The following OS9 variants were observed in gnomAD, a reference collection of about 807,000 sequenced individuals.
OS9 encodes OS9 endoplasmic reticulum lectin, also known as protein OS-9.
A neutral mutation model predicts 84.7 loss-of-function variants in OS9; 58 were observed. That is an observed-to-expected ratio of 0.68 (90% CI 0.55 to 0.85). The LOEUF (loss-of-function observed/expected upper bound fraction) is 0.85, where lower values mean the gene tolerates loss of function less well. OS9 is among the 40% of genes least tolerant of loss of function. The pLI is 0.00. For synonymous variants in OS9, 278 were observed against 320.8 expected (o/e 0.87, Z 1.43); for missense variants, 760 against 850.9 (o/e 0.89, Z 1.33).
At chr12:57,699,022 G>T (rs1953943688) in intron 5 of OS9, among the ~76,000 whole-genome samples, 1 of 152,190 alleles carries the variant, frequency 6.6e-6, no homozygotes, top group African/African-American at 2.4e-5. Context: ...GTGGCCTGGG[G>T]ATGAAGAAAT....
chr12:57,716,686 T>C lies in OS9; in HGVS notation c.994-7T>C, dbSNP rs1306934134. On this transcript the variant is annotated splice_polypyrimidine_tract_variant and splice_region_variant and intron_variant, in intron 8 of 14. Transcript: ENST00000315970. ...CATACTTGACTCTCTCCTTTTCTCC[T>C]CGTCAGGAGCAGGACCCAAGCCCTG... 6.2e-7 allele frequency: 1 copy of C among 1,613,758 alleles called. No homozygotes were observed. Among genetic ancestry groups the C allele is most frequent in the Non-Finnish European group, 8.5e-7 (1 of 1,179,778 alleles).
chr12:57,716,279 T>TA (rs1555195440), intron 7 of OS9, 86 bp downstream of exon 7: 9 of 511,652 alleles, frequency 1.8e-5, no homozygotes, highest in South Asian at 9.9e-5. Flanking sequence ...ACTGGTGGGG[T>TA]GGGGGGGGGT....
rs1413858460 is a variant in OS9 at position 57,719,057 on chromosome 12, C to G, written c.1475C>G (p.Ala492Gly). The G allele has an allele frequency of 6.2e-7, 1 of 1,613,996 alleles. No individual in the cohort carries two copies. Residue 492 changes from alanine (A) to glycine (G), a missense_variant, in exon 12 of 15, where the codon GCT becomes GGT. Transcript: ENST00000315970. The part of the protein sequence containing the change: ...KESERDRAML[A>G]LTSTLNKLIK... ...TCAGAGCGGGATCGGGCAATGCTGG[C>G]TCTCACATCCACTCTCAACAAACTC...
At chr12:57,710,987 C>T (rs897626000) in intron 5 of OS9, among the ~76,000 whole-genome samples, 9 of 136,888 alleles carry the variant, frequency 6.6e-5, no homozygotes, top group African/African-American at 1.1e-4. Context: ...TGCAGTGAGC[C>T]GAGATCACAC....
At chr12:57,712,574 A>G (rs1809599815) in intron 5 of OS9, among the ~76,000 whole-genome samples, 1 of 152,164 alleles carries the variant, frequency 6.6e-6, no homozygotes, top group African/African-American at 2.4e-5. Flanking sequence ...GCCCTCTCAC[A>G]GGTGGTTTCT....
intron 14 of OS9, 93 bp from the exon 15 acceptor site, chr12:57,720,691 C>G: frequency 1.4e-6 from 2 of 1,477,846 alleles, no homozygotes; most frequent in African/African-American, 1.4e-5. Context: ...ACATGGGTGT[C>G]CTCATTCCCT....
At chr12:57,718,820 G>T (rs536218763) in intron 11 of OS9, among the ~76,000 whole-genome samples, 173 bp from the exon 12 acceptor site, 8 of 151,234 alleles carry the variant, frequency 5.3e-5, no homozygotes. Flanking sequence ...CAAGAGAATC[G>T]CTCGAACCCG....
chr12:57,713,454 C>G (rs1046580520), intron 5 of OS9, among the ~76,000 whole-genome samples: 3 of 152,116 alleles, frequency 2.0e-5, no homozygotes, highest in African/African-American at 4.8e-5. Context: ...GTGAAACCTC[C>G]ACTCTCTGAG....
At chr12:57,696,082 G>C in intron 4 of OS9, 44 bp downstream of exon 4, 1 of 1,448,570 alleles carries the variant, frequency 6.9e-7, no homozygotes, top group Non-Finnish European at 9.7e-7. Context: ...TCTGGCCACC[G>C]GCTGAGAGCC....
chr12:57,720,967 T>A lies in OS9; in HGVS notation c.*58T>A, dbSNP rs1206153541. On this transcript the variant is annotated 3_prime_UTR_variant, in exon 15 of 15. Coordinates refer to ENST00000315970, the MANE Select transcript of OS9 (RefSeq NM_006812.4). ...CAGACTCTTCCTGGACTGGCTTGCCTCCTCCCCACCTCCCCACCCTGGAAC... is the reference window on the plus strand; with the variant it reads ...CAGACTCTTCCTGGACTGGCTTGCCACCTCCCCACCTCCCCACCCTGGAAC... 2 of 1,601,018 alleles carry A rather than the reference T, an allele frequency of 1.2e-6. No individual in the cohort carries two copies. The highest frequency in any genetic ancestry group is 1.7e-6 in the Non-Finnish European group (2 of 1,169,808).
In OS9 at chr12:57,720,272, T is replaced by G. The variant is rs750637663; in HGVS notation, c.1765+9T>G. 11 of 1,613,506 alleles carry G rather than the reference T, an allele frequency of 6.8e-6. No homozygotes were observed. In the East Asian group the frequency reaches 2.0e-4, roughly 29 times the overall value. On this transcript the variant is annotated intron_variant, in intron 13 of 14. Coordinates refer to ENST00000315970, the MANE Select transcript of OS9 (RefSeq NM_006812.4). ...GGGACTCACAGCTGCAGGTGGGCCCTGGAGGGCGGCTGGACCCAGTGCTGT... is the reference window on the plus strand; with the variant it reads ...GGGACTCACAGCTGCAGGTGGGCCCGGGAGGGCGGCTGGACCCAGTGCTGT...
At chr12:57,715,523 C>A (rs1341026748) in intron 5 of OS9, among the ~76,000 whole-genome samples, 1 of 152,182 alleles carries the variant, frequency 6.6e-6, no homozygotes, top group East Asian at 1.9e-4. Flanking sequence ...AAAGGCTGGT[C>A]AACCTGAACA....
chr12:57,708,453 G>C (rs561305623), intron 5 of OS9, among the ~76,000 whole-genome samples: 112 of 152,028 alleles, frequency 7.4e-4, no homozygotes, highest in African/African-American at 2.6e-3. Context: ...CCAACGTAGT[G>C]AGATCCCATC....
chr12:57,720,048 C>T (rs763643584), intron 12 of OS9, 51 bp from the exon 13 acceptor site: 1 of 1,574,484 alleles, frequency 6.4e-7, no homozygotes, highest in Non-Finnish European at 8.7e-7. Context: ...CACCCCTAAC[C>T]CTGGAGTCAC....
intron 5 of OS9, among the ~76,000 whole-genome samples, chr12:57,710,575 C>G (rs1417869118): frequency 6.6e-6 from 1 of 152,122 alleles, no homozygotes; most frequent in Non-Finnish European, 1.5e-5. Flanking sequence ...GAATGCCTAG[C>G]TCATTCATTT....
chr12:57,705,682 C>T (rs970452119), intron 5 of OS9, among the ~76,000 whole-genome samples: 6 of 152,050 alleles, frequency 3.9e-5, no homozygotes, highest in Admixed American at 6.6e-5. Flanking sequence ...CGTACCACCA[C>T]GCCCAGCTAA....
intron 5 of OS9, among the ~76,000 whole-genome samples, chr12:57,708,946 C>T (rs768532986): frequency 3.9e-5 from 6 of 152,140 alleles, no homozygotes; most frequent in East Asian, 1.9e-4. Flanking sequence ...TCCCTATAGC[C>T]GTGCCAACCT....
Position 57,720,130 on chromosome 12 carries a change from G to T in OS9, c.1632G>T (p.Arg544=). The T allele has an allele frequency of 6.2e-7, 1 of 1,614,098 alleles. No homozygotes were observed. The highest frequency in any genetic ancestry group is 8.5e-7 in the Non-Finnish European group (1 of 1,180,016). Residue 544 remains arginine (R), a synonymous_variant, in exon 13 of 15, where the codon CGG becomes CGT. Transcript: ENST00000315970. ...ATCCTGAGCACAGAGTCCGGGTCCGGGTCACCAAGCTCCGTCTCGGAGGCC... is the reference window on the plus strand; with the variant it reads ...ATCCTGAGCACAGAGTCCGGGTCCGTGTCACCAAGCTCCGTCTCGGAGGCC... ...EEDPEHRVRV[R]VTKLRLGGPN...
intron 5 of OS9, among the ~76,000 whole-genome samples, chr12:57,699,214 T>C (rs1409126013): frequency 6.6e-6 from 1 of 152,098 alleles, no homozygotes; most frequent in Admixed American, 6.5e-5. Flanking sequence ...TGAATATGAT[T>C]TTAGTGGCTG....
Sources: gnomAD v4.1 joint callset for allele counts (sites outside exome capture counted in the v4.1 genomes callset) on GRCh38, gnomAD v4.1.1 for gene constraint, MANE v1.5 for transcripts, NCBI Gene and HGNC (gene_info 2026-07-23, HGNC 2026-07-21) for gene names.